The following CYP2C19 variants were observed in gnomAD, a reference collection of about 807,000 sequenced individuals.
CYP2C19 encodes cytochrome P450 2C19.
In CYP2C19, 59 loss-of-function variants were observed where a neutral mutation model predicts 40.9. The ratio of observed to expected loss-of-function variants is 1.44; its 90% CI spans 1.17 to 1.79. The LOEUF is 1.79. Ranked by LOEUF, CYP2C19 falls within the 40% of genes most tolerant of loss-of-function variation. CYP2C19 has a pLI of 0.00. For synonymous variants in CYP2C19, 253 were observed against 208.7 expected, an observed-to-expected ratio of 1.21 and a Z score of -1.83; for missense variants, 754 against 596.9, an observed-to-expected ratio of 1.26 and a Z score of -2.74.
At chr10:94,770,290 G>C (rs571985924) in intron 1 of CYP2C19, among the ~76,000 whole-genome samples, 1 of 152,264 alleles carries the variant, frequency 6.6e-6, no homozygotes, top group African/African-American at 2.4e-5. Context: ...TGATTGCCTT[G>C]GCATAGCAGA....
chr10:94,780,545 T>C lies in CYP2C19; in HGVS notation c.528T>C (p.Asn176=). ...PTFILGCAPC[N]VICSIIFQKR... is the part of the protein sequence containing the mutation. Reference sequence around the variant, plus strand: ...TCATCCTGGGCTGTGCTCCCTGCAATGTGATCTGCTCCATTATTTTCCAGA... The same window carrying C: ...TCATCCTGGGCTGTGCTCCCTGCAACGTGATCTGCTCCATTATTTTCCAGA... Residue 176 remains asparagine, a synonymous_variant, in exon 4 of 9, where the codon AAT becomes AAC. Transcript: ENST00000371321. 6.2e-7 allele frequency: 1 copy of C among 1,613,964 alleles called. No individual in the cohort carries two copies. Among genetic ancestry groups the C allele is most frequent in the Non-Finnish European group, 8.5e-7 (1 of 1,179,942 alleles).
intron 5 of CYP2C19, among the ~76,000 whole-genome samples, chr10:94,805,157 C>T (rs1848816308): frequency 6.6e-6 from 1 of 151,858 alleles, no homozygotes; most frequent in Admixed American, 6.6e-5. Context: ...AGTTATAAGA[C>T]TTTAGCCTTT....
At chr10:94,847,864 A>T (rs1258078175) in intron 7 of CYP2C19, among the ~76,000 whole-genome samples, 1 of 152,198 alleles carries the variant, frequency 6.6e-6, no homozygotes, top group Non-Finnish European at 1.5e-5. Context: ...TTTTGGCTGC[A>T]TAAATGTCTT....
intron 3 of CYP2C19, among the ~76,000 whole-genome samples, chr10:94,779,614 G>A (rs1848457187): frequency 7.6e-6 from 1 of 132,368 alleles, no homozygotes; most frequent in African/African-American, 2.9e-5. Flanking sequence ...AGGCTGAAGT[G>A]CACTTGTGTG....
At position 94,789,745 on chromosome 10, in the gene CYP2C19, G is replaced by A. The variant is rs569000878; in HGVS notation, c.819+7748G>A. Among the ~76,000 whole-genome samples, 16 of 151,582 alleles carry A rather than the reference G, an allele frequency of 1.1e-4. No individual in the cohort carries two copies. The South Asian group carries it at 1.5e-3, about 14-fold the overall frequency. On this transcript the variant is annotated intron_variant, in intron 5 of 8. Transcript: ENST00000371321. Reference sequence around the variant, plus strand: ...AGTACCATGCTGTTTTTATTACTTCGGCCTTGTAATATAGTTTGAAGTCAG... The same window carrying A: ...AGTACCATGCTGTTTTTATTACTTCAGCCTTGTAATATAGTTTGAAGTCAG...
At chr10:94,816,132 T>G (rs1375157144) in intron 5 of CYP2C19, among the ~76,000 whole-genome samples, 1 of 152,174 alleles carries the variant, frequency 6.6e-6, no homozygotes, top group Non-Finnish European at 1.5e-5. Context: ...GTCAGCTAAC[T>G]GCAGAGTCTG....
chr10:94,824,567 C>A (rs532076522), intron 6 of CYP2C19, among the ~76,000 whole-genome samples: 1 of 152,052 alleles, frequency 6.6e-6, no homozygotes, highest in African/African-American at 2.4e-5. Flanking sequence ...AATGTTTAAA[C>A]GTGTTATTTT....
chr10:94,823,192 T>C (rs907458130), intron 6 of CYP2C19, among the ~76,000 whole-genome samples: 3 of 152,096 alleles, frequency 2.0e-5, no homozygotes, highest in African/African-American at 7.2e-5. Context: ...GTGCCAAGGG[T>C]CAAATATGGT....
intron 5 of CYP2C19, among the ~76,000 whole-genome samples, chr10:94,816,614 C>G (rs2134264309): frequency 6.6e-6 from 1 of 151,066 alleles, no homozygotes; most frequent in South Asian, 2.1e-4. Context: ...TTTTAGGGTA[C>G]ATGTGCACAT....
chr10:94,765,560 A>T (rs994667737), intron 1 of CYP2C19, among the ~76,000 whole-genome samples: 4 of 152,048 alleles, frequency 2.6e-5, no homozygotes, highest in African/African-American at 9.7e-5. Context: ...CTATTTTCCC[A>T]TTGGAGAAAA....
Position 94,780,665 on chromosome 10 carries a change from G to C in CYP2C19, c.642+6G>C. ...TAAGCACCCCCTGGATCCAGGTAAG[G>C]CCAAGTTTTTTGCTTCCTGAGAAAC... On this transcript the variant is annotated splice_donor_region_variant and intron_variant, in intron 4 of 8. Transcript: ENST00000371321. 3.1e-6 allele frequency: 5 copies of C among 1,613,320 alleles called. No individual in the cohort carries two copies. The highest frequency in any genetic ancestry group is 4.2e-6 in the Non-Finnish European group (5 of 1,179,676).
rs1170180903 is a variant in CYP2C19 at position 94,854,500 on chromosome 10, C to T, written c.*1586C>T. Among the ~76,000 whole-genome samples, 1 of 151,856 alleles carries T rather than the reference C, an allele frequency of 6.6e-6. No homozygotes were observed. The highest frequency in any genetic ancestry group is 1.5e-5 in the Non-Finnish European group (1 of 67,978). On this transcript the variant is annotated 3_prime_UTR_variant, in exon 9 of 9. Coordinates refer to ENST00000371321, the MANE Select transcript of CYP2C19 (RefSeq NM_000769.4). Reference sequence around the variant, plus strand: ...TGTTAAATTATGTTCACCACTCTTCCTGTCTTCTACTTGAAATGTAAGAAA... The same window carrying T: ...TGTTAAATTATGTTCACCACTCTTCTTGTCTTCTACTTGAAATGTAAGAAA...
chr10:94,846,526 C>T (rs1214773725), intron 7 of CYP2C19, among the ~76,000 whole-genome samples: 1 of 152,086 alleles, frequency 6.6e-6, no homozygotes, highest in Admixed American at 6.6e-5. Flanking sequence ...TAAGACAGAA[C>T]ACCCTGTTTC....
At chr10:94,803,356 A>T (rs1848791601) in intron 5 of CYP2C19, among the ~76,000 whole-genome samples, 1 of 152,070 alleles carries the variant, frequency 6.6e-6, no homozygotes, top group Non-Finnish European at 1.5e-5. Context: ...GTAGTTTTAT[A>T]TCGGCCTGTG....
At chr10:94,821,045 T>G (rs1849112834) in intron 6 of CYP2C19, among the ~76,000 whole-genome samples, 1 of 152,052 alleles carries the variant, frequency 6.6e-6, no homozygotes, top group Admixed American at 6.5e-5. Context: ...ATTGTGCCAT[T>G]GCACTCTAGC....
At chr10:94,816,448 A>G (rs1430579743) in intron 5 of CYP2C19, among the ~76,000 whole-genome samples, 5 of 152,142 alleles carry the variant, frequency 3.3e-5, no homozygotes, top group Admixed American at 2.6e-4. Flanking sequence ...GTAACAGATT[A>G]ACAAACTATA....
intron 5 of CYP2C19, among the ~76,000 whole-genome samples, chr10:94,801,717 G>A (rs548596173): frequency 6.6e-6 from 1 of 152,120 alleles, no homozygotes; most frequent in Non-Finnish European, 1.5e-5. Context: ...ATTATTGTGT[G>A]GGAGTCTAAG....
At chr10:94,830,620 G>T (rs182258754) in intron 6 of CYP2C19, among the ~76,000 whole-genome samples, 1 of 152,160 alleles carries the variant, frequency 6.6e-6, no homozygotes, top group Non-Finnish European at 1.5e-5. Context: ...CATCTTCTGC[G>T]TCACTCATGC....
chr10:94,787,321 C>A (rs1243030630), intron 5 of CYP2C19, among the ~76,000 whole-genome samples: 1 of 151,990 alleles, frequency 6.6e-6, no homozygotes. Context: ...ATGTTCTTTG[C>A]CCACTTTTTA....
Sources: allele counts gnomAD v4.1 joint callset (sites outside exome capture counted in the v4.1 genomes callset), GRCh38; gene constraint gnomAD v4.1.1; transcripts MANE v1.5; gene names NCBI Gene and HGNC (gene_info 2026-07-23, HGNC 2026-07-21).